SH3GL2: variants seen among roughly 807,000 people sequenced by gnomAD.
SH3GL2 encodes SH3 domain containing GRB2 like 2, endophilin A1, also known as endophilin-A1.
Under a neutral mutation model 46.0 loss-of-function variants are expected in SH3GL2, and 24 were observed. The ratio of observed to expected loss-of-function variants is 0.52; its 90% CI spans 0.38 to 0.73. SH3GL2 has a LOEUF of 0.73. Ranked by LOEUF, SH3GL2 falls within the 30% of genes least tolerant of loss-of-function variation. The probability of loss-of-function intolerance (pLI) is 0.00; values close to 1 mark genes in which losing one functional copy is unlikely to be tolerated. For missense variants in SH3GL2, 413 were observed against 424.2 expected (o/e 0.97, Z 0.23); for synonymous variants, 196 against 147.1 (o/e 1.33, Z -2.40).
At chr9:17,601,129 C>G (rs767821106) in intron 1 of SH3GL2, among the ~76,000 whole-genome samples, 7 of 152,170 alleles carry the variant, frequency 4.6e-5, no homozygotes, top group Non-Finnish European at 4.4e-5. Context: ...TTGCAGTGCT[C>G]AACGTCTTCA....
intron 1 of SH3GL2, among the ~76,000 whole-genome samples, chr9:17,659,776 A>G (rs891150840): frequency 1.3e-5 from 2 of 152,228 alleles, no homozygotes; most frequent in African/African-American, 4.8e-5. Context: ...AAGCTGAACA[A>G]AAAATAATTG....
At chr9:17,598,132 G>T (rs1031842480) in intron 1 of SH3GL2, among the ~76,000 whole-genome samples, 1 of 152,194 alleles carries the variant, frequency 6.6e-6, no homozygotes, top group Admixed American at 6.5e-5. Flanking sequence ...GTTCTTTTCA[G>T]TATGTAGAAA....
chr9:17,654,939 G>A (rs529879503), intron 1 of SH3GL2, among the ~76,000 whole-genome samples: 54 of 152,268 alleles, frequency 3.5e-4, no homozygotes, highest in African/African-American at 1.1e-3. Flanking sequence ...GGATGTGATG[G>A]GAGCTGTGCA....
At chr9:17,792,300 A>G (rs1824154056) in intron 7 of SH3GL2, among the ~76,000 whole-genome samples, 1 of 152,196 alleles carries the variant, frequency 6.6e-6, no homozygotes, top group Non-Finnish European at 1.5e-5. Flanking sequence ...GAAAGGTTTT[A>G]AAACCATATA....
At chr9:17,779,156 C>G (rs763750041) in intron 3 of SH3GL2, among the ~76,000 whole-genome samples, 21 of 152,114 alleles carry the variant, frequency 1.4e-4, no homozygotes, top group Non-Finnish European at 3.1e-4. Flanking sequence ...CCCAAGGCCC[C>G]TTGGACACAT....
At chr9:17,774,587 T>C (rs926338381) in intron 3 of SH3GL2, among the ~76,000 whole-genome samples, 3 of 152,098 alleles carry the variant, frequency 2.0e-5, no homozygotes, top group Non-Finnish European at 4.4e-5. Flanking sequence ...ATGTGAGGTA[T>C]TAGATGGACC....
chr9:17,674,463 C>T lies in SH3GL2; in HGVS notation c.46-72603C>T, dbSNP rs974464253. On this transcript the variant is annotated intron_variant, in intron 1 of 8. Coordinates refer to ENST00000380607, the MANE Select transcript of SH3GL2 (RefSeq NM_003026.5). Reference sequence around the variant, plus strand: ...TGTTTTTTTAGTAGGGACAGGGTTTCACCATATCGCCCAGGCTGTGTCAAA... The same window carrying T: ...TGTTTTTTTAGTAGGGACAGGGTTTTACCATATCGCCCAGGCTGTGTCAAA... Among the ~76,000 whole-genome samples, 3 of 152,078 alleles carry T rather than the reference C, an allele frequency of 2.0e-5. No individual in the cohort carries two copies. In the South Asian group the frequency reaches 6.2e-4, roughly 32 times the overall value.
intron 1 of SH3GL2, among the ~76,000 whole-genome samples, chr9:17,692,384 C>T (rs924430390): frequency 6.6e-6 from 1 of 151,802 alleles, no homozygotes; most frequent in Non-Finnish European, 1.5e-5. Flanking sequence ...GTGACTCACA[C>T]CTGTAATTTC....
chr9:17,633,069 A>G (rs900535212), intron 1 of SH3GL2, among the ~76,000 whole-genome samples: 1 of 152,214 alleles, frequency 6.6e-6, no homozygotes, highest in African/African-American at 2.4e-5. Context: ...TGGGTCAGCC[A>G]TCATTGGTCC....
intron 1 of SH3GL2, among the ~76,000 whole-genome samples, chr9:17,709,680 T>TACACACACACACACACACACACACAC (rs3837228): frequency 1.3e-5 from 2 of 148,164 alleles, no homozygotes; most frequent in African/African-American, 5.0e-5. Context: ...TTATTTGTAT[T>TACACACACACACACACACACACACAC]ACACACACAC....
At chr9:17,609,308 A>C (rs912336294) in intron 1 of SH3GL2, among the ~76,000 whole-genome samples, 10 of 152,068 alleles carry the variant, frequency 6.6e-5, no homozygotes, top group African/African-American at 2.4e-4. Flanking sequence ...TTTGCAGAGA[A>C]AGTTTGAGAC....
intron 1 of SH3GL2, among the ~76,000 whole-genome samples, chr9:17,688,889 A>G (rs1423912736): frequency 1.3e-5 from 2 of 152,060 alleles, no homozygotes; most frequent in Non-Finnish European, 2.9e-5. Flanking sequence ...AGGAATTGCA[A>G]ATTATGCACT....
At chr9:17,631,866 T>C (rs971830171) in intron 1 of SH3GL2, among the ~76,000 whole-genome samples, 1 of 152,232 alleles carries the variant, frequency 6.6e-6, no homozygotes, top group African/African-American at 2.4e-5. Context: ...GCTTACATGC[T>C]GATGTTTACT....
intron 1 of SH3GL2, among the ~76,000 whole-genome samples, chr9:17,668,608 T>C (rs1588219829): frequency 6.6e-6 from 1 of 152,210 alleles, no homozygotes; most frequent in Non-Finnish European, 1.5e-5. Flanking sequence ...TTTCCCCTTA[T>C]AATTCTGTCA....
At chr9:17,703,142 G>A (rs1419699092) in intron 1 of SH3GL2, among the ~76,000 whole-genome samples, 2 of 152,042 alleles carry the variant, frequency 1.3e-5, no homozygotes, top group African/African-American at 4.8e-5. Flanking sequence ...GGTAGTAGTA[G>A]CCTGGGTGTT....
chr9:17,676,718 T>C lies in SH3GL2; in HGVS notation c.46-70348T>C, dbSNP rs144796809. ...TTGCTACATAGCCTCAATATAGTTT[T>C]CACAACTCAGTTTTGCCCTCTTAAA... On this transcript the variant is annotated intron_variant, in intron 1 of 8. Transcript: ENST00000380607. 2.0e-3 allele frequency among the ~76,000 whole-genome samples: 311 copies of C among 152,332 alleles called. 1 individual carries two copies. The highest frequency in any genetic ancestry group is 7.2e-3 in the African/African-American group (298 of 41,572).
intron 1 of SH3GL2, among the ~76,000 whole-genome samples, chr9:17,587,157 A>C (rs993043071): frequency 3.9e-5 from 6 of 152,128 alleles, no homozygotes; most frequent in African/African-American, 1.4e-4. Flanking sequence ...AGCCAAGATC[A>C]CACCGTTGCA....
chr9:17,658,917 A>G (rs1413332879), intron 1 of SH3GL2, among the ~76,000 whole-genome samples: 1 of 152,216 alleles, frequency 6.6e-6, no homozygotes, highest in African/African-American at 2.4e-5. Context: ...ACCTGCTTGA[A>G]GTGCAGGTGT....
intron 1 of SH3GL2, among the ~76,000 whole-genome samples, chr9:17,697,325 G>A (rs1194754736): frequency 6.6e-6 from 1 of 151,962 alleles, no homozygotes; most frequent in Non-Finnish European, 1.5e-5. Flanking sequence ...CCGGGTTCAA[G>A]GGATTCTTCT....
Sources: gnomAD v4.1 joint callset for allele counts (sites outside exome capture counted in the v4.1 genomes callset) on GRCh38, gnomAD v4.1.1 for gene constraint, MANE v1.5 for transcripts, NCBI Gene and HGNC (gene_info 2026-07-23, HGNC 2026-07-21) for gene names.